Variants in STOX2 observed in about 807,000 individuals in gnomAD.
STOX2 encodes storkhead-box protein 2.
A neutral mutation model predicts 60.9 loss-of-function variants in STOX2; 28 were observed. The ratio of observed to expected loss-of-function variants is 0.46; its 90% CI spans 0.34 to 0.63. STOX2 has a LOEUF of 0.63. Ranked by LOEUF, STOX2 falls within the 30% of genes least tolerant of loss-of-function variation. STOX2 has a pLI of 0.01. For synonymous variants in STOX2, 472 were observed against 463.9 expected (o/e 1.02, Z -0.22); for missense variants, 1,024 against 1,187.7 (o/e 0.86, Z 2.03).
chr4:183,819,510 G>A (rs531296139), intron 1 of STOX2, among the ~76,000 whole-genome samples: 13 of 149,882 alleles, frequency 8.7e-5, no homozygotes, highest in East Asian at 7.9e-4. Flanking sequence ...GTCCTGCTTC[G>A]GCTGGGCATC....
chr4:183,892,167 C>G (rs1389151869), intron 1 of STOX2, among the ~76,000 whole-genome samples: 1 of 152,242 alleles, frequency 6.6e-6, no homozygotes, highest in Non-Finnish European at 1.5e-5. Context: ...GAACTGTGTC[C>G]CTCCGAGATG....
At chr4:183,997,446 T>G (rs1401685290) in intron 1 of STOX2, among the ~76,000 whole-genome samples, 4 of 152,182 alleles carry the variant, frequency 2.6e-5, no homozygotes, top group Admixed American at 6.5e-5. Context: ...ACCAAGGAGT[T>G]CAGCTTCTCT....
intron 1 of STOX2, among the ~76,000 whole-genome samples, chr4:183,939,790 G>A (rs765838360): frequency 3.3e-5 from 5 of 152,138 alleles, no homozygotes; most frequent in Non-Finnish European, 7.4e-5. Flanking sequence ...CCGCGTCCCA[G>A]TTTCCTCATC....
chr4:183,851,232 G>A (rs377216025), intron 1 of STOX2, among the ~76,000 whole-genome samples: 7 of 54,276 alleles, frequency 1.3e-4, no homozygotes, highest in African/African-American at 2.2e-4. Context: ...AAACGATGAG[G>A]GAAAGGATGA....
intron 1 of STOX2, among the ~76,000 whole-genome samples, chr4:183,888,366 G>A (rs867533973): frequency 2.6e-5 from 4 of 152,100 alleles, no homozygotes; most frequent in African/African-American, 7.2e-5. Flanking sequence ...TATTTTCCCC[G>A]TTTTACAGCC....
intron 1 of STOX2, among the ~76,000 whole-genome samples, chr4:183,968,233 C>A (rs1288677894): frequency 6.7e-6 from 1 of 150,204 alleles, no homozygotes; most frequent in Admixed American, 6.6e-5. Flanking sequence ...CACCATAGGT[C>A]GCCAGCTTTT....
chr4:183,999,921 G>C (rs1221140873), intron 1 of STOX2, among the ~76,000 whole-genome samples: 1 of 152,158 alleles, frequency 6.6e-6, no homozygotes, highest in African/African-American at 2.4e-5. Context: ...CCTGAGTCTC[G>C]GTTTTGGTCA....
chr4:183,984,128 G>T (rs1157374320), intron 1 of STOX2, among the ~76,000 whole-genome samples: 1 of 152,148 alleles, frequency 6.6e-6, no homozygotes, highest in Non-Finnish European at 1.5e-5. Context: ...ATAGATTTAG[G>T]GTCTGCTGTT....
At chr4:183,937,670 C>T (rs553444957) in intron 1 of STOX2, among the ~76,000 whole-genome samples, 100 of 152,132 alleles carry the variant, frequency 6.6e-4, no homozygotes, top group Non-Finnish European at 1.2e-3. Context: ...AGAACAGTCA[C>T]GCTCAGGACC....
intron 1 of STOX2, among the ~76,000 whole-genome samples, chr4:183,832,903 G>A (rs1739608347): frequency 6.6e-6 from 1 of 152,224 alleles, no homozygotes; most frequent in Non-Finnish European, 1.5e-5. Context: ...AAGGAACAGT[G>A]ATGTCTCCTT....
At chr4:183,964,831 G>A (rs1169659951) in intron 1 of STOX2, among the ~76,000 whole-genome samples, 4 of 152,026 alleles carry the variant, frequency 2.6e-5, no homozygotes, top group Non-Finnish European at 2.9e-5. Flanking sequence ...TGATTCACCC[G>A]CCTTGGCCTC....
intron 1 of STOX2, among the ~76,000 whole-genome samples, chr4:183,891,710 A>G (rs1050676525): frequency 1.3e-5 from 2 of 151,956 alleles, no homozygotes; most frequent in African/African-American, 2.4e-5. Flanking sequence ...CCACTAAAAA[A>G]CTTACTTATG....
intron 1 of STOX2, among the ~76,000 whole-genome samples, chr4:183,934,084 A>G (rs1742520005): frequency 1.3e-5 from 2 of 152,110 alleles, no homozygotes; most frequent in African/African-American, 2.4e-5. Flanking sequence ...CGGGTGGATC[A>G]CCTGAGGTCA....
chr4:183,943,801 C>T lies in STOX2; in HGVS notation c.166+36845C>T, dbSNP rs150448998. 8.5e-3 allele frequency among the ~76,000 whole-genome samples: 1,291 copies of T among 152,246 alleles called. 14 individuals are homozygous for T. The highest frequency in any genetic ancestry group is 0.029 in the African/African-American group (1,205 of 41,538). ...CTGAGGCAGAAGAATTGCTTGAATC[C>T]GGGAGGCGGAGGTTGCAGTTGGCTG... is the stretch of plus-strand genomic sequence containing the variant. On this transcript the variant is annotated intron_variant, in intron 1 of 3. Transcript: ENST00000308497.
At chr4:183,982,300 A>G (rs1732682635) in intron 1 of STOX2, among the ~76,000 whole-genome samples, 1 of 152,216 alleles carries the variant, frequency 6.6e-6, no homozygotes, top group African/African-American at 2.4e-5. Flanking sequence ...TTGCTCTCTA[A>G]TACTTGTAAG....
intron 1 of STOX2, among the ~76,000 whole-genome samples, chr4:183,945,929 A>T (rs896860215): frequency 6.6e-6 from 1 of 152,218 alleles, no homozygotes; most frequent in African/African-American, 2.4e-5. Flanking sequence ...GAAATGCTTA[A>T]TGTTCTAAAT....
intron 1 of STOX2, among the ~76,000 whole-genome samples, chr4:183,824,262 G>T (rs1190492702): frequency 1.3e-5 from 2 of 151,846 alleles, no homozygotes; most frequent in Non-Finnish European, 2.9e-5. Flanking sequence ...TTTTTTTCTG[G>T]GTCATAAAGC....
chr4:183,924,888 A>G (rs1742198150), intron 1 of STOX2, among the ~76,000 whole-genome samples: 1 of 152,144 alleles, frequency 6.6e-6, no homozygotes, highest in Non-Finnish European at 1.5e-5. Flanking sequence ...CAGAAGGTAC[A>G]TGCGTAGACC....
chr4:183,894,021 G>A (rs936345819), intron 1 of STOX2, among the ~76,000 whole-genome samples: 9 of 152,176 alleles, frequency 5.9e-5, no homozygotes, highest in Admixed American at 3.9e-4. Flanking sequence ...GCACGCTGGC[G>A]TGCACCTGTA....
Sources: allele counts gnomAD v4.1 joint callset (sites outside exome capture counted in the v4.1 genomes callset), GRCh38; gene constraint gnomAD v4.1.1; transcripts MANE v1.5; gene names NCBI Gene and HGNC (gene_info 2026-07-23, HGNC 2026-07-21).